The following ZKSCAN1 variants were observed in gnomAD, a reference collection of about 807,000 sequenced individuals.
ZKSCAN1 encodes the protein zinc finger with KRAB and SCAN domains 1.
ZKSCAN1 carries 14 observed loss-of-function variants against 51.6 expected under a neutral mutation model. That is an observed-to-expected ratio of 0.27 (90% confidence interval 0.18 to 0.42). The LOEUF is 0.42. Ranked by LOEUF, ZKSCAN1 falls within the 10% of genes least tolerant of loss-of-function variation. ZKSCAN1 has a pLI of 1.00. For missense variants in ZKSCAN1, 531 were observed against 710.0 expected, an observed-to-expected ratio of 0.75 and a Z score of 2.86; for synonymous variants, 263 against 261.5, an observed-to-expected ratio of 1.01 and a Z score of -0.06.
intron 1 of ZKSCAN1, 126 bp from the exon 2 acceptor site, chr7:100,023,293 G>A (rs1324146241): frequency 2.0e-6 from 1 of 504,404 alleles, no homozygotes; most frequent in Non-Finnish European, 3.4e-6. Context: ...TTACAGGCGT[G>A]AGCCACCACC....
At position 100,040,104 on chromosome 7, in the gene ZKSCAN1, T is replaced by G; in HGVS notation, c.*5907T>G. On this transcript the variant is annotated 3_prime_UTR_variant, in exon 6 of 6. Coordinates refer to ENST00000324306, the MANE Select transcript of ZKSCAN1 (RefSeq NM_003439.4). ...TTTTCAAAGCTTTGTGAAACAAACT[T>G]GAAGTTATAGGGAGGTAAGCCATCT... is the stretch of plus-strand genomic sequence containing the variant. The G allele has an allele frequency of 1.1e-6, 1 of 945,154 alleles. No individual in the cohort carries two copies. The highest frequency in any genetic ancestry group is 1.3e-6 in the Non-Finnish European group (1 of 793,350). 58.5% of individuals were successfully genotyped at this position (945,154 alleles called of 1,614,324 possible). A position where few individuals can be genotyped will look rare whatever the true frequency, so the allele number is the denominator to read the frequency against.
At position 100,036,822 on chromosome 7, in the gene ZKSCAN1, A is replaced by G. The variant is rs1791381686; in HGVS notation, c.*2625A>G. 2 of 961,616 alleles carry G rather than the reference A, an allele frequency of 2.1e-6. No homozygotes were observed. The highest frequency in any genetic ancestry group is 2.4e-6 in the Non-Finnish European group (2 of 822,910). The allele number at this position is 961,616 out of a possible 1,614,324, so 59.6% of individuals were successfully genotyped here. ...GGGAAAGGACTTTGGTCATGTTTAC[A>G]TTGGCCTTTGGTTTTTTTTTTTCTT... On this transcript the variant is annotated 3_prime_UTR_variant, in exon 6 of 6. Coordinates refer to ENST00000324306, the MANE Select transcript of ZKSCAN1 (RefSeq NM_003439.4).
At chr7:100,026,578 T>G (rs1256720763) in intron 3 of ZKSCAN1, among the ~76,000 whole-genome samples, 1 of 151,930 alleles carries the variant, frequency 6.6e-6, no homozygotes, top group South Asian at 2.1e-4. Context: ...ATAAAAAAAT[T>G]AGCCAGGCGT....
Position 100,039,706 on chromosome 7 carries a change from C to CGTT in ZKSCAN1, c.*5509_*5510insGTT. 1.0e-6 allele frequency: 1 copy of CGTT among 985,408 alleles called. No individual in the cohort carries two copies. Among genetic ancestry groups the CGTT allele is most frequent in the Non-Finnish European group, 1.2e-6 (1 of 829,940 alleles). 61.0% of individuals were successfully genotyped at this position (985,408 alleles called of 1,614,324 possible). A position where few individuals can be genotyped will look rare whatever the true frequency, so the allele number is the denominator to read the frequency against. ...ATTGGAGTAACAGAACTGAAATACACTTAAACAGTGACAGCAGTACTTCCC... is the reference window on the plus strand; with the variant it reads ...ATTGGAGTAACAGAACTGAAATACACGTTTTAAACAGTGACAGCAGTACTTCCC... On this transcript the variant is annotated 3_prime_UTR_variant, in exon 6 of 6. Coordinates refer to ENST00000324306, the MANE Select transcript of ZKSCAN1 (RefSeq NM_003439.4).
Position 100,036,200 on chromosome 7 carries a change from A to G in ZKSCAN1, c.*2003A>G. ...AACTACAACTTCCCTATAGCTTCTA[A>G]GCAGTTTCATCAGCATTACTTGGGA... is the stretch of plus-strand genomic sequence containing the variant. On this transcript the variant is annotated 3_prime_UTR_variant, in exon 6 of 6. Transcript: ENST00000324306. 1.0e-6 allele frequency: 1 copy of G among 985,426 alleles called. No individual in the cohort carries two copies. The highest frequency in any genetic ancestry group is 5.2e-4 in the Middle Eastern group (1 of 1,914). The allele number at this position is 985,426 out of a possible 1,614,324, so 61.0% of individuals were successfully genotyped here.
At position 100,040,655 on chromosome 7, in the gene ZKSCAN1, G is replaced by A; in HGVS notation, c.*6458G>A. 1.0e-6 allele frequency: 1 copy of A among 985,500 alleles called. No individual in the cohort carries two copies. Among genetic ancestry groups the A allele is most frequent in the Non-Finnish European group, 1.2e-6 (1 of 829,970 alleles). The allele number at this position is 985,500 out of a possible 1,614,324, so 61.0% of individuals were successfully genotyped here. On this transcript the variant is annotated 3_prime_UTR_variant, in exon 6 of 6. Coordinates refer to ENST00000324306, the MANE Select transcript of ZKSCAN1 (RefSeq NM_003439.4). ...GGTTAAGTGCAGTATGGAAGGAGAA[G>A]GGGGAAGAGGACGGTAACGGCCCCA...
chr7:100,029,071 G>A (rs1481413403), intron 3 of ZKSCAN1, among the ~76,000 whole-genome samples: 1 of 150,924 alleles, frequency 6.6e-6, no homozygotes, highest in Non-Finnish European at 1.5e-5. Flanking sequence ...GGCTGAGGCA[G>A]GAGAATCACT....
chr7:100,016,434 G>A (rs1790369355), intron 1 of ZKSCAN1, among the ~76,000 whole-genome samples: 1 of 152,120 alleles, frequency 6.6e-6, no homozygotes, highest in South Asian at 2.1e-4. Flanking sequence ...TGTTTGACAT[G>A]GAGTGGGGTG....
Position 100,036,729 on chromosome 7 carries a change from A to G in ZKSCAN1, c.*2532A>G. ...AAACTCCATCTCAAAAAAAAAAAAA[A>G]GAAAGAAAGAAACTGAAAAGTGAGG... On this transcript the variant is annotated 3_prime_UTR_variant, in exon 6 of 6. Transcript: ENST00000324306. 6.1e-6 allele frequency: 6 copies of G among 979,474 alleles called. 1 individual carries two copies. The South Asian group carries it at 2.4e-4, about 39-fold the overall frequency. The allele number at this position is 979,474 out of a possible 1,614,324, so 60.7% of individuals were successfully genotyped here.
intron 1 of ZKSCAN1, among the ~76,000 whole-genome samples, chr7:100,022,229 A>G (rs1318420269): frequency 1.3e-5 from 2 of 152,090 alleles, no homozygotes; most frequent in South Asian, 4.1e-4. Context: ...TAATTTTTCT[A>G]TTTTTAGTAG....
In ZKSCAN1 at chr7:100,041,064, T is replaced by C. The variant is rs1254856115; in HGVS notation, c.*6867T>C. The C allele has an allele frequency of 1.0e-6, 1 of 969,952 alleles. No individual in the cohort carries two copies. Among genetic ancestry groups the C allele is most frequent in the African/African-American group, 1.8e-5 (1 of 56,940 alleles). The allele number at this position is 969,952 out of a possible 1,614,324, so 60.1% of individuals were successfully genotyped here. A position where few individuals can be genotyped will look rare whatever the true frequency, so the allele number is the denominator to read the frequency against. The stretch of plus-strand genomic sequence containing the variant: ...TTAACTTTTAGTTAAATACAGATTT[T>C]ACAACGAGGTCAGCATAAGCCTAAA... On this transcript the variant is annotated 3_prime_UTR_variant, in exon 6 of 6. Transcript: ENST00000324306.
downstream of ZKSCAN1, among the ~76,000 whole-genome samples, chr7:100,043,771 ATTTTTTTTTT>A (rs772298225): frequency 7.7e-3 from 453 of 58,938 alleles, 1 homozygote; most frequent in African/African-American, 0.025. Context: ...TTCTTTCTTG[ATTTTTTTTTT>A]TTTTTTTTTT....
chr7:100,042,737 C>CGTGTGTGTGTGT (rs34820993), downstream of ZKSCAN1, among the ~76,000 whole-genome samples: 116 of 144,760 alleles, frequency 8.0e-4, 1 homozygote, highest in African/African-American at 1.2e-3. Context: ...TATAGATACA[C>CGTGTGTGTGTGT]GTGTGTGTGT....
At chr7:100,042,145 C>A (rs1188071660), downstream of ZKSCAN1, among the ~76,000 whole-genome samples, 1 of 152,030 alleles carries the variant, frequency 6.6e-6, no homozygotes. Context: ...ATGGTGAAAC[C>A]CCCTCTCTAC....
At chr7:100,043,022 G>A (rs1016196247), downstream of ZKSCAN1, among the ~76,000 whole-genome samples, 2 of 151,992 alleles carry the variant, frequency 1.3e-5, no homozygotes, top group Admixed American at 1.3e-4. Context: ...GGATGGTCTC[G>A]ATCTCCTGAC....
In ZKSCAN1 at chr7:100,039,298, ACT is replaced by A. The variant is rs1330029336; in HGVS notation, c.*5104_*5105del. 1.0e-6 allele frequency: 1 copy of A among 972,210 alleles called. No homozygotes were observed. The highest frequency in any genetic ancestry group is 1.2e-6 in the Non-Finnish European group (1 of 826,544). 60.2% of individuals were successfully genotyped at this position (972,210 alleles called of 1,614,324 possible). On this transcript the variant is annotated 3_prime_UTR_variant, in exon 6 of 6. Coordinates refer to ENST00000324306, the MANE Select transcript of ZKSCAN1 (RefSeq NM_003439.4). ...CTGCACTCCAGCCTGGGTAACAGAG[ACT>A]CTGTCTCAAAAAAAGAAAAAAAAAA... is the stretch of plus-strand genomic sequence containing the variant.
intron 5 of ZKSCAN1, among the ~76,000 whole-genome samples, chr7:100,031,940 G>C (rs1022262831): frequency 1.3e-5 from 2 of 152,148 alleles, no homozygotes; most frequent in Admixed American, 1.3e-4. Flanking sequence ...TTAGCCAGGC[G>C]GGGTGGTGCA....
chr7:100,029,848 T>C lies in ZKSCAN1; in HGVS notation c.581-13T>C. The C allele has an allele frequency of 2.5e-6, 4 of 1,613,342 alleles. No individual in the cohort carries two copies. The highest frequency in any genetic ancestry group is 3.4e-6 in the Non-Finnish European group (4 of 1,179,486). On this transcript the variant is annotated splice_polypyrimidine_tract_variant and intron_variant, in intron 3 of 5. Coordinates refer to ENST00000324306, the MANE Select transcript of ZKSCAN1 (RefSeq NM_003439.4). ...GGAGCTGATTTACTCACAGACCCTT[T>C]CTCCTCCCCCAGCTCTTCCTGCTGC...
intron 3 of ZKSCAN1, among the ~76,000 whole-genome samples, chr7:100,027,023 G>A (rs1015467594): frequency 3.3e-5 from 5 of 152,188 alleles, no homozygotes; most frequent in Non-Finnish European, 5.9e-5. Context: ...AAGGCCAGGC[G>A]CAGTGGCCCA....
Sources: gnomAD v4.1 joint callset for allele counts (sites outside exome capture counted in the v4.1 genomes callset) on GRCh38, gnomAD v4.1.1 for gene constraint, MANE v1.5 for transcripts, NCBI Gene and HGNC (gene_info 2026-07-23, HGNC 2026-07-21) for gene names.